OR9Q1: variants seen among roughly 807,000 people sequenced by gnomAD.
OR9Q1 encodes the protein olfactory receptor 9Q1.
For missense variants in OR9Q1, 374 were observed against 378.8 expected (o/e 0.99, Z 0.11); for synonymous variants, 153 against 148.6 (o/e 1.03, Z -0.22).
chr11:58,181,179 G>A lies in OR9Q1; in HGVS notation c.*802G>A, dbSNP rs542989742. 1 of 166,960 alleles carries A rather than the reference G, an allele frequency of 6.0e-6. No individual in the cohort carries two copies. Among genetic ancestry groups the A allele is most frequent in the Non-Finnish European group, 1.5e-5 (1 of 68,106 alleles). The allele number at this position is 166,960 out of a possible 1,614,324, so 10.3% of individuals were successfully genotyped here. On this transcript the variant is annotated 3_prime_UTR_variant, in exon 3 of 3. Transcript: ENST00000335397. ...TATTACAGTTCTCTCTCGTCATATG[G>A]CATGACTAAAAATCCACTTAGCAAA... is the stretch of plus-strand genomic sequence containing the variant.
intron 1 of OR9Q1, chr11:58,031,370 G>T (rs1853033504): frequency 6.2e-7 from 1 of 1,614,036 alleles, no homozygotes; most frequent in Non-Finnish European, 8.5e-7. Flanking sequence ...TGGGGCTTTT[G>T]TGTCCTGGGG....
At chr11:58,179,146 C>T (rs1455464513) in intron 2 of OR9Q1, among the ~76,000 whole-genome samples, 1 of 151,132 alleles carries the variant, frequency 6.6e-6, no homozygotes, top group Non-Finnish European at 1.5e-5. Context: ...TGCCTCTCTC[C>T]CGAGTAGCTG....
chr11:58,058,979 A>G (rs1046632479), intron 2 of OR9Q1, among the ~76,000 whole-genome samples: 2 of 152,196 alleles, frequency 1.3e-5, no homozygotes, highest in African/African-American at 4.8e-5. Context: ...AGAGCTGTAC[A>G]TTCCTGGCCT....
At chr11:58,106,793 C>A (rs914068609) in intron 2 of OR9Q1, among the ~76,000 whole-genome samples, 1 of 152,124 alleles carries the variant, frequency 6.6e-6, no homozygotes, top group Admixed American at 6.6e-5. Flanking sequence ...TGTCAAAGAT[C>A]AGTTGACCAT....
chr11:58,088,759 C>G (rs1565072953), intron 2 of OR9Q1, among the ~76,000 whole-genome samples: 1 of 151,778 alleles, frequency 6.6e-6, no homozygotes, highest in Non-Finnish European at 1.5e-5. Flanking sequence ...AAAATTTTCT[C>G]TCATTCTGTA....
chr11:58,091,853 A>G (rs531155530), intron 2 of OR9Q1, among the ~76,000 whole-genome samples: 10 of 152,186 alleles, frequency 6.6e-5, no homozygotes, highest in Middle Eastern at 3.4e-3. Context: ...TATTTAGGAT[A>G]GTTGCTCTTC....
chr11:58,114,684 T>G (rs1360434433), intron 2 of OR9Q1, among the ~76,000 whole-genome samples: 2 of 152,100 alleles, frequency 1.3e-5, no homozygotes, highest in Non-Finnish European at 2.9e-5. Context: ...TCCTTCAGAG[T>G]TAGAAAGAAA....
intron 2 of OR9Q1, chr11:58,108,780 G>T (rs910047941): frequency 1.9e-5 from 4 of 213,938 alleles, no homozygotes; most frequent in Non-Finnish European, 3.8e-5. Context: ...TTACATCTTT[G>T]TTCCTCAGAC....
rs1488476142 is a variant in OR9Q1, at chr11:58,031,716, T to A, written c.-93+7612T>A. 5 of 1,613,956 alleles carry A rather than the reference T, an allele frequency of 3.1e-6. No individual in the cohort carries two copies. The African/African-American group carries it at 5.3e-5, about 17-fold the overall frequency. On this transcript the variant is annotated intron_variant, in intron 1 of 2. Coordinates refer to ENST00000335397, the MANE Select transcript of OR9Q1 (RefSeq NM_001005212.4). ...GCTCACCTGACTGTGGTGAGCCTCT[T>A]CTATGGCACTCTTTTCTTTATGTAT...
At chr11:58,029,184 C>T (rs1210756866) in intron 1 of OR9Q1, among the ~76,000 whole-genome samples, 1 of 152,172 alleles carries the variant, frequency 6.6e-6, no homozygotes, top group Non-Finnish European at 1.5e-5. Flanking sequence ...GCTTGGCCAG[C>T]TCAACTGGGG....
At chr11:58,062,864 C>T (rs963690461) in intron 2 of OR9Q1, among the ~76,000 whole-genome samples, 3 of 152,294 alleles carry the variant, frequency 2.0e-5, no homozygotes, top group East Asian at 1.9e-4. Flanking sequence ...ACCTAACATT[C>T]TAATTTGGAG....
intron 2 of OR9Q1, among the ~76,000 whole-genome samples, chr11:58,151,131 G>A (rs184198905): frequency 2.2e-4 from 34 of 152,242 alleles, no homozygotes; most frequent in African/African-American, 4.3e-4. Flanking sequence ...ATTCTTTTGC[G>A]TGGGTTATCC....
At chr11:58,157,221 C>T (rs941417891) in intron 2 of OR9Q1, among the ~76,000 whole-genome samples, 5 of 152,042 alleles carry the variant, frequency 3.3e-5, no homozygotes, top group Non-Finnish European at 5.9e-5. Context: ...CTCTTTGCAC[C>T]GTCTACTCAC....
intron 1 of OR9Q1, among the ~76,000 whole-genome samples, chr11:58,042,738 G>A (rs1394472489): frequency 6.6e-6 from 1 of 152,188 alleles, no homozygotes; most frequent in South Asian, 2.1e-4. Flanking sequence ...ACCTTGGGCA[G>A]TATGGCCATT....
intron 2 of OR9Q1, among the ~76,000 whole-genome samples, chr11:58,101,962 T>C (rs952781676): frequency 6.6e-6 from 1 of 152,098 alleles, no homozygotes; most frequent in African/African-American, 2.4e-5. Flanking sequence ...GTGAGGCTGG[T>C]CTCAAACTCC....
chr11:58,160,896 C>T (rs1018845745), intron 2 of OR9Q1, among the ~76,000 whole-genome samples: 8 of 152,154 alleles, frequency 5.3e-5, no homozygotes, highest in East Asian at 3.9e-4. Context: ...ACAAGTAGAC[C>T]GAACAAGAGA....
chr11:58,107,954 C>A (rs1439639136), intron 2 of OR9Q1, among the ~76,000 whole-genome samples: 3 of 152,200 alleles, frequency 2.0e-5, no homozygotes, highest in East Asian at 1.9e-4. Flanking sequence ...ACAGGTCTAT[C>A]ATTGTTGACT....
chr11:58,109,039 A>T (rs1431991898), intron 2 of OR9Q1: 2 of 459,632 alleles, frequency 4.4e-6, no homozygotes, highest in Non-Finnish European at 8.8e-6. Flanking sequence ...GACATTGGCT[A>T]GGAACATGCA....
chr11:58,075,464 A>G (rs566008920), intron 2 of OR9Q1: 3 of 152,246 alleles, frequency 2.0e-5, no homozygotes, highest in Non-Finnish European at 4.4e-5. Context: ...CATACATTGA[A>G]ACCTGATCAC....
Sources: allele counts gnomAD v4.1 joint callset (sites outside exome capture counted in the v4.1 genomes callset), GRCh38; gene constraint gnomAD v4.1.1; transcripts MANE v1.5; gene names NCBI Gene and HGNC (gene_info 2026-07-23, HGNC 2026-07-21).